Variants in SSBP3 observed in about 807,000 individuals in gnomAD.
SSBP3 encodes single-stranded DNA-binding protein 3.
In SSBP3, 5 loss-of-function variants were observed where a neutral mutation model predicts 69.6. That is an observed-to-expected ratio of 0.07 (90% CI 0.04 to 0.15). The LOEUF is 0.15. Among genes scored for constraint, SSBP3 ranks in the 10% least tolerant of loss-of-function variants. SSBP3 has a pLI of 1.00. For synonymous variants in SSBP3, 196 were observed against 193.4 expected, an observed-to-expected ratio of 1.01 and a Z score of -0.11; for missense variants, 312 against 534.0, an observed-to-expected ratio of 0.58 and a Z score of 4.10.
chr1:54,277,273 C>T (rs544867351), intron 5 of SSBP3, among the ~76,000 whole-genome samples: 12 of 152,132 alleles, frequency 7.9e-5, no homozygotes, highest in East Asian at 1.9e-4. Flanking sequence ...ATCATTCTCA[C>T]GGTGTTCTCA....
chr1:54,341,111 G>A (rs1024280971), intron 4 of SSBP3, among the ~76,000 whole-genome samples: 1 of 152,210 alleles, frequency 6.6e-6, no homozygotes, highest in African/African-American at 2.4e-5. Flanking sequence ...CTGGCACCTG[G>A]TGCTGGATTA....
intron 14 of SSBP3, among the ~76,000 whole-genome samples, chr1:54,232,322 G>A (rs1644393811): frequency 6.6e-6 from 1 of 152,074 alleles, no homozygotes; most frequent in African/African-American, 2.4e-5. Flanking sequence ...TTAGAGATGA[G>A]GTCTTGCTCT....
intron 4 of SSBP3, among the ~76,000 whole-genome samples, chr1:54,354,627 G>T (rs939435799): frequency 6.6e-6 from 1 of 152,238 alleles, no homozygotes; most frequent in African/African-American, 2.4e-5. Context: ...GAGATGGGGA[G>T]GGGGAGTGAG....
In SSBP3 at chr1:54,316,651, AAAAAAAAATAAAAT is replaced by A. The variant is rs1466198760; in HGVS notation, c.277-35138_277-35125del. The stretch of plus-strand genomic sequence containing the variant: ...CGACAGAGCGAGACTCCGTCTCAAA[AAAAAAAAATAAAAT>A]AAATAAATAAATAAATAAATAAATA... On this transcript the variant is annotated intron_variant, in intron 4 of 17. Coordinates refer to ENST00000610401, the Ensembl canonical transcript of SSBP3. 1.2e-4 allele frequency among the ~76,000 whole-genome samples: 6 copies of A among 48,336 alleles called. 1 individual carries two copies. Among genetic ancestry groups the A allele is most frequent in the Non-Finnish European group, 1.9e-4 (6 of 31,130 alleles). 31.7% of individuals were successfully genotyped at this position (48,336 alleles called of 152,430 possible).
intron 4 of SSBP3, among the ~76,000 whole-genome samples, chr1:54,304,015 G>A (rs1645851257): frequency 6.6e-6 from 1 of 152,166 alleles, no homozygotes. Flanking sequence ...CGAATGATGG[G>A]TAGCACGGAG....
At chr1:54,289,559 G>A (rs144294564) in intron 4 of SSBP3, among the ~76,000 whole-genome samples, 2 of 152,322 alleles carry the variant, frequency 1.3e-5, no homozygotes, top group Non-Finnish European at 2.9e-5. Context: ...TGGTGACAGA[G>A]AACTGAGGGA....
exon 18 of SSBP3, chr1:54,225,553 AAC>A (rs1167301447): frequency 3.0e-6 from 2 of 665,646 alleles, no homozygotes; most frequent in Admixed American, 4.3e-5. Flanking sequence ...GGTAAGAAAA[AAC>A]ACAGAAACAG....
At chr1:54,252,443 G>C (rs971581212) in intron 7 of SSBP3, among the ~76,000 whole-genome samples, 3 of 152,224 alleles carry the variant, frequency 2.0e-5, no homozygotes, top group African/African-American at 4.8e-5. Flanking sequence ...CCCAGTCACA[G>C]GTTGCAGAGC....
At chr1:54,366,464 C>T (rs1007939621) in intron 4 of SSBP3, among the ~76,000 whole-genome samples, 2 of 152,174 alleles carry the variant, frequency 1.3e-5, no homozygotes, top group African/African-American at 4.8e-5. Context: ...AAGTTACAGA[C>T]TAGTATGCTG....
At chr1:54,381,503 G>C (rs1647652726) in intron 4 of SSBP3, among the ~76,000 whole-genome samples, 7 of 151,254 alleles carry the variant, frequency 4.6e-5, no homozygotes, top group Admixed American at 4.0e-4. Context: ...ATTTTTGCTA[G>C]AATAACAGCC....
intron 9 of SSBP3, among the ~76,000 whole-genome samples, chr1:54,248,344 G>A (rs1179602275): frequency 1.3e-5 from 2 of 152,206 alleles, no homozygotes; most frequent in Non-Finnish European, 2.9e-5. Context: ...AAGGGGAAGG[G>A]ATCCACAGGA....
intron 4 of SSBP3, among the ~76,000 whole-genome samples, chr1:54,378,192 C>T (rs1271634068): frequency 6.6e-6 from 1 of 152,226 alleles, no homozygotes; most frequent in Non-Finnish European, 1.5e-5. Context: ...TCCAGCCCAA[C>T]TTTCCCATAT....
intron 4 of SSBP3, among the ~76,000 whole-genome samples, chr1:54,396,796 C>G (rs949671549): frequency 3.9e-5 from 6 of 152,100 alleles, no homozygotes; most frequent in African/African-American, 1.4e-4. Flanking sequence ...TTGTTTGGGT[C>G]CCCACCACTC....
intron 4 of SSBP3, among the ~76,000 whole-genome samples, chr1:54,299,398 C>T (rs1645760980): frequency 6.6e-6 from 1 of 152,126 alleles, no homozygotes; most frequent in South Asian, 2.1e-4. Flanking sequence ...CTGCCATTTT[C>T]ACTAAAGGGG....
chr1:54,257,653 C>T (rs1031604112), intron 6 of SSBP3, among the ~76,000 whole-genome samples: 5 of 152,094 alleles, frequency 3.3e-5, no homozygotes, highest in South Asian at 4.1e-4. Context: ...GGGGGGGAAA[C>T]GCCAAGGAGA....
At chr1:54,354,218 T>C (rs1386930774) in intron 4 of SSBP3, among the ~76,000 whole-genome samples, 1 of 152,176 alleles carries the variant, frequency 6.6e-6, no homozygotes. Flanking sequence ...GCAGCATCAG[T>C]GCACCTCCCA....
intron 4 of SSBP3, among the ~76,000 whole-genome samples, chr1:54,392,085 G>A (rs1648541459): frequency 6.6e-6 from 1 of 152,184 alleles, no homozygotes; most frequent in Non-Finnish European, 1.5e-5. Flanking sequence ...AATGGGAGCT[G>A]TTACTTACTC....
chr1:54,309,861 G>C (rs1234494065), intron 4 of SSBP3, among the ~76,000 whole-genome samples: 1 of 152,168 alleles, frequency 6.6e-6, no homozygotes. Context: ...GGTCACACTC[G>C]ACAAGGCGCT....
chr1:54,331,684 A>G (rs1013377668), intron 4 of SSBP3, among the ~76,000 whole-genome samples: 48 of 152,124 alleles, frequency 3.2e-4, no homozygotes, highest in African/African-American at 1.1e-3. Flanking sequence ...CTGCTCACAC[A>G]CTCACCAGCA....
Sources: allele counts gnomAD v4.1 joint callset (sites outside exome capture counted in the v4.1 genomes callset), GRCh38; gene constraint gnomAD v4.1.1; transcripts MANE v1.5; gene names NCBI Gene and HGNC (gene_info 2026-07-23, HGNC 2026-07-21).